The following ARID4B variants were observed in gnomAD, a reference collection of about 807,000 sequenced individuals.
ARID4B encodes AT-rich interaction domain 4B, also known as AT-rich interactive domain-containing protein 4B.
Under a neutral mutation model 147.5 loss-of-function variants are expected in ARID4B, and 26 were observed. The ratio of observed to expected loss-of-function variants is 0.18; its 90% confidence interval spans 0.13 to 0.24. ARID4B has a LOEUF of 0.24. ARID4B is among the 10% of genes least tolerant of loss of function. The probability of loss-of-function intolerance (pLI) is 1.00; values close to 1 mark genes in which losing one functional copy is unlikely to be tolerated. For missense variants in ARID4B, 1,179 were observed against 1,511.5 expected, an observed-to-expected ratio of 0.78 and a Z score of 3.65; for synonymous variants, 512 against 507.9, an observed-to-expected ratio of 1.01 and a Z score of -0.11.
In ARID4B at chr1:235,255,769, T is replaced by C; in HGVS notation, c.184-19A>G. 1.3e-6 allele frequency: 2 copies of C among 1,570,000 alleles called. No individual in the cohort carries two copies. The highest frequency in any genetic ancestry group is 1.7e-4 in the Middle Eastern group (1 of 5,936). On this transcript the variant is annotated intron_variant, in intron 4 of 23. Transcript: ENST00000264183. The stretch of plus-strand genomic sequence containing the variant: ...CTCCTACCTAAAGTATTTTTAAACA[T>C]GTTAGAAAAACTTTTAAAAGGTAAA...
chr1:235,244,537 T>TA (rs1462020573), intron 7 of ARID4B, among the ~76,000 whole-genome samples: 1 of 152,054 alleles, frequency 6.6e-6, no homozygotes, highest in African/African-American at 2.4e-5. Flanking sequence ...TACTTGAACT[T>TA]ACTAGGATTA....
At chr1:235,273,713 G>A (rs1262522888) in intron 2 of ARID4B, among the ~76,000 whole-genome samples, 2 of 152,164 alleles carry the variant, frequency 1.3e-5, no homozygotes, top group African/African-American at 2.4e-5. Flanking sequence ...TGAAATTCAA[G>A]TAAGAACATT....
intron 17 of ARID4B, among the ~76,000 whole-genome samples, chr1:235,212,255 CAAAAACAAAAACA>C (rs1480693187): frequency 6.6e-6 from 1 of 151,656 alleles, no homozygotes; most frequent in Non-Finnish European, 1.5e-5. Context: ...CAAAAAAAGA[CAAAAACAAAAACA>C]AAAAACAGAA....
At chr1:235,202,697 G>A (rs985440139) in intron 17 of ARID4B, among the ~76,000 whole-genome samples, 2 of 151,778 alleles carry the variant, frequency 1.3e-5, no homozygotes, top group Non-Finnish European at 2.9e-5. Context: ...TTACAGGTGT[G>A]TGCCACCACG....
chr1:235,206,830 C>T (rs987957322), intron 17 of ARID4B, among the ~76,000 whole-genome samples: 1 of 152,192 alleles, frequency 6.6e-6, no homozygotes, highest in Admixed American at 6.5e-5. Context: ...AGGAGAGAAA[C>T]TGAGTAACAA....
chr1:235,175,401 TGAAAGAG>T lies in ARID4B; in HGVS notation c.3449-9_3449-3del. 1.2e-6 allele frequency: 2 copies of T among 1,600,934 alleles called. No homozygotes were observed. Among genetic ancestry groups the T allele is most frequent in the Non-Finnish European group, 1.7e-6 (2 of 1,171,774 alleles). On this transcript the variant is annotated splice_region_variant and splice_polypyrimidine_tract_variant and intron_variant, in intron 21 of 23. Coordinates refer to ENST00000264183, the MANE Select transcript of ARID4B (RefSeq NM_016374.6). ...GTTCTTCACTATCACTACTATTTGC[TGAAAGAG>T]AAAGAAAAGATTTAATAAACAAAAA...
chr1:235,308,872 A>C (rs1012924590), intron 2 of ARID4B, among the ~76,000 whole-genome samples: 6 of 152,220 alleles, frequency 3.9e-5, no homozygotes, highest in African/African-American at 1.4e-4. Flanking sequence ...AAGTGCCGAG[A>C]GTGCAGCCTC....
At chr1:235,327,034 G>T in intron 1 of ARID4B, 66 bp from the exon 2 acceptor site, 1 of 1,162,832 alleles carries the variant, frequency 8.6e-7, no homozygotes, top group Non-Finnish European at 1.3e-6. Flanking sequence ...CGGAGGCGGA[G>T]GGAAAGAAGC....
chr1:235,215,587 T>A (rs897575163), intron 16 of ARID4B, among the ~76,000 whole-genome samples: 5 of 80,370 alleles, frequency 6.2e-5, no homozygotes, highest in Admixed American at 1.5e-4. Flanking sequence ...GTGTATATAT[T>A]TTTCCCCCCC....
At chr1:235,223,538 AC>A (rs1031991347) in intron 12 of ARID4B, among the ~76,000 whole-genome samples, 5 of 150,132 alleles carry the variant, frequency 3.3e-5, no homozygotes, top group African/African-American at 9.8e-5. Flanking sequence ...GATTCTTGAA[AC>A]CTTTTATTTT....
At chr1:235,219,606 T>C (rs1667308982) in intron 16 of ARID4B, among the ~76,000 whole-genome samples, 187 bp downstream of exon 16, 1 of 152,212 alleles carries the variant, frequency 6.6e-6, no homozygotes, top group Admixed American at 6.5e-5. Flanking sequence ...AAGTATGATC[T>C]TTCTCTACAA....
chr1:235,286,437 G>C (rs1387460223), intron 2 of ARID4B, among the ~76,000 whole-genome samples: 3 of 152,192 alleles, frequency 2.0e-5, no homozygotes, highest in South Asian at 4.1e-4. Context: ...TGTAGTGGAG[G>C]AATCTGTTAA....
intron 6 of ARID4B, 25 bp downstream of exon 6, chr1:235,252,705 G>A: frequency 1.3e-6 from 2 of 1,591,650 alleles, no homozygotes; most frequent in South Asian, 1.1e-5. Context: ...ATTAAGACAT[G>A]TTCATTTGTT....
At chr1:235,265,792 C>T (rs1436814973) in intron 2 of ARID4B, among the ~76,000 whole-genome samples, 1 of 152,104 alleles carries the variant, frequency 6.6e-6, no homozygotes, top group African/African-American at 2.4e-5. Flanking sequence ...TTGGGCTAAG[C>T]CACTTAGCTA....
chr1:235,180,854 T>G (rs74148667), intron 20 of ARID4B: 130 of 154,458 alleles, frequency 8.4e-4, no homozygotes, highest in African/African-American at 3.0e-3. Context: ...TAAAGATACC[T>G]GAATGAAGTG....
At chr1:235,205,909 G>A (rs1666278065) in intron 17 of ARID4B, among the ~76,000 whole-genome samples, 1 of 152,158 alleles carries the variant, frequency 6.6e-6, no homozygotes, top group South Asian at 2.1e-4. Flanking sequence ...CATTGCTGGT[G>A]AGAATGTAAA....
intron 2 of ARID4B, among the ~76,000 whole-genome samples, chr1:235,261,078 C>A (rs556038381): frequency 1.2e-4 from 19 of 152,032 alleles, no homozygotes; most frequent in Non-Finnish European, 2.8e-4. Context: ...TGACCACTTA[C>A]AAGAAAAGGG....
intron 11 of ARID4B, among the ~76,000 whole-genome samples, chr1:235,225,141 A>G (rs188214290): frequency 6.6e-6 from 1 of 152,316 alleles, no homozygotes; most frequent in Admixed American, 6.5e-5. Context: ...CCTACTCTCA[A>G]CTTATGCGAA....
intron 2 of ARID4B, among the ~76,000 whole-genome samples, chr1:235,280,538 C>T (rs150126796): frequency 6.6e-6 from 1 of 152,378 alleles, no homozygotes; most frequent in African/African-American, 2.4e-5. Flanking sequence ...TGCCTCTCCG[C>T]TCCTCGCCAC....
Sources: gnomAD v4.1 joint callset for allele counts (sites outside exome capture counted in the v4.1 genomes callset) on GRCh38, gnomAD v4.1.1 for gene constraint, MANE v1.5 for transcripts, NCBI Gene and HGNC (gene_info 2026-07-23, HGNC 2026-07-21) for gene names.